The following FUT8 variants were observed in gnomAD, a reference collection of about 807,000 sequenced individuals.
FUT8 encodes the protein alpha-(1,6)-fucosyltransferase.
Under a neutral mutation model 71.3 loss-of-function variants are expected in FUT8, and 29 were observed. That is an observed-to-expected ratio of 0.41 (90% CI 0.30 to 0.55). The LOEUF (loss-of-function observed/expected upper bound fraction) is 0.55, where lower values mean the gene tolerates loss of function less well. Among genes scored for constraint, FUT8 ranks in the 20% least tolerant of loss-of-function variants. FUT8 has a pLI of 0.34. For synonymous variants in FUT8, 254 were observed against 239.3 expected (o/e 1.06, Z -0.57); for missense variants, 544 against 702.1 (o/e 0.77, Z 2.55).
chr14:65,434,987 C>G (rs780032802), intron 1 of FUT8, among the ~76,000 whole-genome samples: 5 of 152,170 alleles, frequency 3.3e-5, no homozygotes, highest in Non-Finnish European at 4.4e-5. Context: ...AACCTCTCCC[C>G]CTAAGTTCAT....
chr14:65,490,804 A>G (rs1311990575), intron 2 of FUT8, among the ~76,000 whole-genome samples: 1 of 152,098 alleles, frequency 6.6e-6, no homozygotes, highest in Non-Finnish European at 1.5e-5. Flanking sequence ...GGCAAAAAGC[A>G]AGGTTTAGAG....
At chr14:65,730,627 G>A (rs1266820776) in intron 9 of FUT8, among the ~76,000 whole-genome samples, 3 of 151,968 alleles carry the variant, frequency 2.0e-5, no homozygotes, top group African/African-American at 7.3e-5. Context: ...AGCCAAGATC[G>A]CACCACTGCA....
chr14:65,599,543 T>TA lies in FUT8; in HGVS notation c.204-16434dup, dbSNP rs374259513. ...TAGGCAAGCTGCTTTAGTTTGGACC[T>TA]ATGTCATATAAAGGCCTTACAGCTC... On this transcript the variant is annotated intron_variant, in intron 3 of 10. Transcript: ENST00000673929. 2.7e-3 allele frequency among the ~76,000 whole-genome samples: 413 copies of TA among 152,366 alleles called. 2 individuals are homozygous for TA. The highest frequency in any genetic ancestry group is 9.3e-3 in the African/African-American group (386 of 41,588).
intron 3 of FUT8, among the ~76,000 whole-genome samples, chr14:65,590,868 GA>G (rs1887649329): frequency 6.6e-6 from 1 of 152,266 alleles, no homozygotes; most frequent in South Asian, 2.1e-4. Flanking sequence ...TCTCCATGGG[GA>G]AAATAGGTGG....
At chr14:65,641,065 T>G (rs1890805170) in intron 6 of FUT8, among the ~76,000 whole-genome samples, 1 of 152,184 alleles carries the variant, frequency 6.6e-6, no homozygotes, top group African/African-American at 2.4e-5. Flanking sequence ...GTATACAATT[T>G]GTTAAGTTTT....
chr14:65,650,722 A>ACC (rs1566875527), intron 6 of FUT8, among the ~76,000 whole-genome samples: 3 of 147,922 alleles, frequency 2.0e-5, no homozygotes, highest in East Asian at 3.9e-4. Flanking sequence ...AAAAAAAAAA[A>ACC]AAAAAAACAA....
chr14:65,431,120 G>T (rs8012979), intron 1 of FUT8, among the ~76,000 whole-genome samples: 2,611 of 149,658 alleles, frequency 0.017, 78 homozygotes, highest in African/African-American at 0.061. Context: ...CTCAGCCTCC[G>T]GAGTAGCTGG....
intron 5 of FUT8, 35 bp from the exon 6 acceptor site, chr14:65,629,457 A>G (rs1566862097): frequency 7.3e-7 from 1 of 1,375,878 alleles, no homozygotes; most frequent in East Asian, 2.3e-5. Flanking sequence ...AGCAGTACAG[A>G]CAAGTTCGAT....
At chr14:65,674,685 CTTCAGCAG>C (rs1892626604) in intron 7 of FUT8, among the ~76,000 whole-genome samples, 1 of 152,182 alleles carries the variant, frequency 6.6e-6, no homozygotes, top group African/African-American at 2.4e-5. Context: ...TACCTGAAGC[CTTCAGCAG>C]TTTTAAGTAT....
chr14:65,457,351 C>G (rs192271438), intron 2 of FUT8, among the ~76,000 whole-genome samples: 40 of 152,204 alleles, frequency 2.6e-4, no homozygotes, highest in African/African-American at 8.7e-4. Context: ...AAGAAACTTG[C>G]AATTTATGGT....
At chr14:65,530,818 T>G (rs184544850) in intron 2 of FUT8, among the ~76,000 whole-genome samples, 124 of 150,632 alleles carry the variant, frequency 8.2e-4, no homozygotes, top group African/African-American at 2.8e-3. Flanking sequence ...GCTCTTTCTC[T>G]CTCTCTCTCT....
At chr14:65,620,440 G>T (rs1450433252) in intron 5 of FUT8, among the ~76,000 whole-genome samples, 1 of 152,186 alleles carries the variant, frequency 6.6e-6, no homozygotes, top group Non-Finnish European at 1.5e-5. Flanking sequence ...AAAAGACATT[G>T]TGGGGGATTA....
the FUT8 span, among the ~76,000 whole-genome samples, chr14:65,362,701 A>G: frequency 4.6e-5 from 7 of 151,802 alleles, no homozygotes; most frequent in Admixed American, 2.0e-4. Context: ...GGTGGCTCAC[A>G]CCTGTAATCC....
chr14:65,429,887 A>AAAAAAAAAAAAAAAAAAAAAAAAAAAAAG (rs2065445235), intron 1 of FUT8, among the ~76,000 whole-genome samples: 1 of 141,426 alleles, frequency 7.1e-6, no homozygotes, highest in African/African-American at 2.6e-5. Flanking sequence ...AAAAAAAAAA[A>AAAAAAAAAAAAAAAAAAAAAAAAAAAAAG]GACTTACAAG....
intron 1 of FUT8, among the ~76,000 whole-genome samples, chr14:65,422,695 A>G (rs1374319477): frequency 6.6e-6 from 1 of 151,714 alleles, no homozygotes; most frequent in East Asian, 1.9e-4. Flanking sequence ...TTTTGTAGAG[A>G]CAGGGTCTCA....
At chr14:65,406,267 C>A (rs1388248031), upstream of FUT8, among the ~76,000 whole-genome samples, 2 of 152,140 alleles carry the variant, frequency 1.3e-5, no homozygotes, top group Non-Finnish European at 2.9e-5. Flanking sequence ...TTTATACAAC[C>A]CCATGAGCTA....
rs373124196 is a variant in FUT8, at chr14:65,513,546, A to T, written c.-227-47791A>T. ...CATGATAGTGACCCTACAGGGAATTAACAACATAGATATGATTTTCTCAAG... is the reference window on the plus strand; with the variant it reads ...CATGATAGTGACCCTACAGGGAATTTACAACATAGATATGATTTTCTCAAG... On this transcript the variant is annotated intron_variant, in intron 2 of 10. Coordinates refer to ENST00000673929, the MANE Select transcript of FUT8 (RefSeq NM_001371533.1). Among the ~76,000 whole-genome samples the T allele has an allele frequency of 1.1e-4, 17 of 152,360 alleles. No homozygotes were observed. In the East Asian group the frequency reaches 3.1e-3, roughly 28 times the overall value.
chr14:65,389,183 A>G, the FUT8 span, among the ~76,000 whole-genome samples: 1 of 149,836 alleles, frequency 6.7e-6, no homozygotes, highest in Non-Finnish European at 1.5e-5. Flanking sequence ...ATATATATAT[A>G]AAAAAATTAT....
intron 3 of FUT8, 86 bp from the exon 4 acceptor site, chr14:65,615,892 A>T: frequency 1.1e-6 from 1 of 878,796 alleles, no homozygotes. Flanking sequence ...TATGGAGTTT[A>T]CAGTATAAAT....
Sources: allele counts gnomAD v4.1 joint callset (sites outside exome capture counted in the v4.1 genomes callset), GRCh38; gene constraint gnomAD v4.1.1; transcripts MANE v1.5; gene names NCBI Gene and HGNC (gene_info 2026-07-23, HGNC 2026-07-21).